PARD3B: variants seen among roughly 807,000 people sequenced by gnomAD.
The protein encoded by PARD3B is partitioning defective 3 homolog B.
A neutral mutation model predicts 130.2 loss-of-function variants in PARD3B; 103 were observed. That is an observed-to-expected ratio of 0.79 (90% CI 0.67 to 0.93). PARD3B has a LOEUF of 0.93. Among genes scored for constraint, PARD3B ranks in the 40% least tolerant of loss-of-function variants. The probability of loss-of-function intolerance (pLI) is 0.00; values close to 1 mark genes in which losing one functional copy is unlikely to be tolerated. For synonymous variants in PARD3B, 583 were observed against 553.2 expected (o/e 1.05, Z -0.76); for missense variants, 1,609 against 1,499.2 (o/e 1.07, Z -1.21).
intron 3 of PARD3B, among the ~76,000 whole-genome samples, chr2:205,037,641 T>A (rs1437051397): frequency 8.8e-5 from 13 of 147,314 alleles, no homozygotes; most frequent in Non-Finnish European, 1.6e-4. Flanking sequence ...GTATAAAATA[T>A]GTATATAGTG....
chr2:204,998,136 C>T (rs891479078), intron 3 of PARD3B, among the ~76,000 whole-genome samples: 2 of 148,094 alleles, frequency 1.4e-5, no homozygotes, highest in East Asian at 2.0e-4. Context: ...AGAGAAGACA[C>T]GGGGAGGGGA....
chr2:205,120,830 C>T lies in PARD3B; in HGVS notation c.807-761C>T, dbSNP rs183660068. On this transcript the variant is annotated intron_variant, in intron 7 of 22. Transcript: ENST00000406610. ...CCGCTTCTAAAGAGCTTTCCTTTAA[C>T]GCCTTCATTTATATCTTCTGGGCAA... Among the ~76,000 whole-genome samples, 175 of 152,302 alleles carry T rather than the reference C, an allele frequency of 1.1e-3. 1 individual carries two copies. Among genetic ancestry groups the T allele is most frequent in the Admixed American group, 0.01 (156 of 15,292 alleles).
intron 18 of PARD3B, among the ~76,000 whole-genome samples, chr2:205,372,001 A>G (rs1234127306): frequency 6.6e-6 from 1 of 152,024 alleles, no homozygotes; most frequent in Non-Finnish European, 1.5e-5. Context: ...ATCCCTTTTT[A>G]TTGCCTAATA....
rs868857322 is a variant in PARD3B, at chr2:204,733,266, A to G, written c.222+46984A>G. Reference sequence around the variant, plus strand: ...ACAATAATACCACTTAGATAACATCATAAAACATGAAATACTTAGGGATAA... The same window carrying G: ...ACAATAATACCACTTAGATAACATCGTAAAACATGAAATACTTAGGGATAA... On this transcript the variant is annotated intron_variant, in intron 2 of 22. Transcript: ENST00000406610. Among the ~76,000 whole-genome samples, 5 of 152,336 alleles carry G rather than the reference A, an allele frequency of 3.3e-5. No homozygotes were observed. The South Asian group carries it at 1.0e-3, about 32-fold the overall frequency.
At chr2:205,451,427 G>A (rs2048100050) in intron 20 of PARD3B, among the ~76,000 whole-genome samples, 1 of 152,094 alleles carries the variant, frequency 6.6e-6, no homozygotes, top group Non-Finnish European at 1.5e-5. Context: ...GTAGTGAGTG[G>A]CTTTTAGGGC....
At chr2:205,319,606 G>A (rs1207439) in intron 18 of PARD3B, among the ~76,000 whole-genome samples, 4 of 151,920 alleles carry the variant, frequency 2.6e-5, no homozygotes, top group Non-Finnish European at 5.9e-5. Flanking sequence ...GATTTTCCTC[G>A]CCATTTTTCA....
intron 18 of PARD3B, among the ~76,000 whole-genome samples, chr2:205,345,058 G>C (rs1488013019): frequency 6.6e-6 from 1 of 152,106 alleles, no homozygotes; most frequent in African/African-American, 2.4e-5. Context: ...TTTTGCAAAG[G>C]AGAAAAAGTG....
chr2:205,296,876 TAA>T lies in PARD3B; in HGVS notation c.2186-3642_2186-3641del, dbSNP rs35938355. Among the ~76,000 whole-genome samples the T allele has an allele frequency of 5.4e-4, 78 of 145,274 alleles. 1 individual carries two copies. Among genetic ancestry groups the T allele is most frequent in the African/African-American group, 1.7e-3 (70 of 40,116 alleles). ...CTTTAAAAGCGCTATAACATCTTTT[TAA>T]AAAAAAAAAAATATGTGGCATTTTT... On this transcript the variant is annotated intron_variant, in intron 16 of 22. Transcript: ENST00000406610.
intron 18 of PARD3B, among the ~76,000 whole-genome samples, chr2:205,355,831 A>G (rs750772743): frequency 6.6e-6 from 1 of 152,190 alleles, no homozygotes; most frequent in Non-Finnish European, 1.5e-5. Flanking sequence ...CATCTTCTTC[A>G]CAAGGTGGCA....
intron 3 of PARD3B, among the ~76,000 whole-genome samples, chr2:205,020,487 ACT>A (rs1696513099): frequency 3.3e-5 from 5 of 151,928 alleles, no homozygotes; most frequent in Admixed American, 3.3e-4. Flanking sequence ...TTCCATCTAA[ACT>A]CTGCTTGGAA....
chr2:204,580,716 CA>C (rs2032510555), intron 1 of PARD3B, among the ~76,000 whole-genome samples: 1 of 152,118 alleles, frequency 6.6e-6, no homozygotes, highest in South Asian at 2.1e-4. Flanking sequence ...CGTATGACCT[CA>C]TTAATTCATT....
At chr2:204,975,586 C>A (rs1334271389) in intron 3 of PARD3B, among the ~76,000 whole-genome samples, 28 of 152,184 alleles carry the variant, frequency 1.8e-4, no homozygotes, top group Admixed American at 1.8e-3. Flanking sequence ...GTACTTCTTA[C>A]CTCCTTGTGT....
At chr2:205,342,228 A>G (rs1452854912) in intron 18 of PARD3B, among the ~76,000 whole-genome samples, 3 of 152,208 alleles carry the variant, frequency 2.0e-5, no homozygotes, top group Non-Finnish European at 4.4e-5. Context: ...GATAGGCATT[A>G]GGAAGATGTA....
At chr2:204,787,217 C>T (rs943152014) in intron 2 of PARD3B, among the ~76,000 whole-genome samples, 3 of 134,076 alleles carry the variant, frequency 2.2e-5, no homozygotes, top group Non-Finnish European at 3.2e-5. Context: ...GCATGTTTGA[C>T]TTGCTGCCCC....
At chr2:205,168,706 G>C (rs536223372) in intron 11 of PARD3B, among the ~76,000 whole-genome samples, 1 of 147,646 alleles carries the variant, frequency 6.8e-6, no homozygotes, top group South Asian at 2.1e-4. Context: ...CCATGCCCCT[G>C]CACAGTTTCC....
chr2:204,880,657 CAAAAAAAAAAA>C (rs746023895), intron 2 of PARD3B, among the ~76,000 whole-genome samples: 1 of 55,466 alleles, frequency 1.8e-5, no homozygotes, highest in Non-Finnish European at 4.0e-5. Context: ...GACTCCATCT[CAAAAAAAAAAA>C]AAAAAAAAAA....
At chr2:204,566,942 G>A (rs891354917) in intron 1 of PARD3B, among the ~76,000 whole-genome samples, 2 of 150,992 alleles carry the variant, frequency 1.3e-5, no homozygotes, top group Non-Finnish European at 1.5e-5. Context: ...GTAGTGGTGC[G>A]ATCTTGGCTC....
chr2:205,277,239 C>T (rs1046157128), intron 16 of PARD3B, among the ~76,000 whole-genome samples: 37 of 152,266 alleles, frequency 2.4e-4, no homozygotes, highest in Non-Finnish European at 5.0e-4. Flanking sequence ...AAACAATGTA[C>T]AGAATGGGGA....
chr2:205,393,408 G>T (rs1424358679), intron 18 of PARD3B, among the ~76,000 whole-genome samples: 1 of 152,196 alleles, frequency 6.6e-6, no homozygotes. Flanking sequence ...TGTGAAGTTT[G>T]TAGGTTTTCA....
Sources: gnomAD v4.1 joint callset for allele counts (sites outside exome capture counted in the v4.1 genomes callset) on GRCh38, gnomAD v4.1.1 for gene constraint, MANE v1.5 for transcripts, NCBI Gene and HGNC (gene_info 2026-07-23, HGNC 2026-07-21) for gene names.